Variants in FAM229B observed in about 807,000 individuals in gnomAD.
FAM229B encodes protein FAM229B.
FAM229B carries 2 observed loss-of-function variants against 6.7 expected under a neutral mutation model. The observed-to-expected ratio is 0.30, with a 90% CI of 0.12 to 0.94. The LOEUF is 0.94. Ranked by LOEUF, FAM229B falls within the 40% of genes least tolerant of loss-of-function variation. The pLI, the probability that FAM229B is intolerant of heterozygous loss-of-function variation, is 0.54. For missense variants in FAM229B, 93 were observed against 96.2 expected (o/e 0.97, Z 0.14); for synonymous variants, 29 against 34.0 (o/e 0.85, Z 0.51).
intron 1 of FAM229B, among the ~76,000 whole-genome samples, chr6:112,090,378 T>C (rs1410682907): frequency 2.0e-5 from 3 of 152,210 alleles, no homozygotes; most frequent in African/African-American, 7.2e-5. Context: ...TTTCCAAAGA[T>C]TTTTCCCAAT....
intron 2 of FAM229B, among the ~76,000 whole-genome samples, 170 bp downstream of exon 2, chr6:112,097,371 A>G (rs931717156): frequency 5.9e-5 from 9 of 152,192 alleles, no homozygotes; most frequent in Non-Finnish European, 1.0e-4. Context: ...AAATTTTTAA[A>G]CCTTAATTTA....
In FAM229B at chr6:112,099,287, C is replaced by T. The variant is rs1777364597; in HGVS notation, c.4C>T (p.Pro2Ser). 6.2e-7 allele frequency: 1 copy of T among 1,612,546 alleles called. No individual in the cohort carries two copies. Among genetic ancestry groups the T allele is most frequent in the African/African-American group, 1.3e-5 (1 of 74,936 alleles). MPFQFGTQPRRF... is the reference protein window; with the variant it reads MSFQFGTQPRRF... ...CGATCTAGGTTTTCAGTGAAGTATG[C>T]CTTTTCAATTTGGAACCCAGCCAAG... Residue 2 changes from proline (P) to serine (S), a missense_variant, in exon 3 of 4, where the codon CCT becomes TCT. Coordinates refer to ENST00000368656, the MANE Select transcript of FAM229B (RefSeq NM_001033564.3).
At chr6:112,092,850 T>C (rs1777275345) in intron 1 of FAM229B, among the ~76,000 whole-genome samples, 1 of 151,922 alleles carries the variant, frequency 6.6e-6, no homozygotes, top group Admixed American at 6.6e-5. Context: ...AAGTTAAATA[T>C]GTATACTATA....
chr6:112,088,201 G>T (rs1228698713), intron 1 of FAM229B, among the ~76,000 whole-genome samples: 4 of 152,292 alleles, frequency 2.6e-5, no homozygotes, highest in Non-Finnish European at 5.9e-5. Context: ...AGTGGTTGAG[G>T]ATGTAGATGA....
chr6:112,095,653 AAAAAAAAC>A (rs1554318573), intron 1 of FAM229B, among the ~76,000 whole-genome samples: 5 of 139,678 alleles, frequency 3.6e-5, no homozygotes, highest in African/African-American at 8.7e-5. Context: ...AAAAAAAAAA[AAAAAAAAC>A]CAAAAAAAAA....
In FAM229B at chr6:112,097,472, T is replaced by C. The variant is rs143826655; in HGVS notation, c.-15+271T>C. ...TAGTTGCACCATTTTAAATTTTTCCTACCCTTTGTGTACTAATAGTTGAAT... is the reference window on the plus strand; with the variant it reads ...TAGTTGCACCATTTTAAATTTTTCCCACCCTTTGTGTACTAATAGTTGAAT... On this transcript the variant is annotated intron_variant, in intron 2 of 3. Transcript: ENST00000368656. Among the ~76,000 whole-genome samples, 79 of 152,360 alleles carry C rather than the reference T, an allele frequency of 5.2e-4. 1 individual carries two copies. Among genetic ancestry groups the C allele is most frequent in the African/African-American group, 1.8e-3 (76 of 41,584 alleles).
At chr6:112,095,659 AACC>A (rs1777313907) in intron 1 of FAM229B, among the ~76,000 whole-genome samples, 1 of 139,334 alleles carries the variant, frequency 7.2e-6, no homozygotes, top group Non-Finnish European at 1.5e-5. Flanking sequence ...AAAAAAAAAA[AACC>A]AAAAAAAAAA....
At chr6:112,092,673 T>G (rs147287285) in intron 1 of FAM229B, among the ~76,000 whole-genome samples, 22 of 152,092 alleles carry the variant, frequency 1.4e-4, no homozygotes, top group African/African-American at 4.8e-4. Flanking sequence ...AGACAATTGC[T>G]TAAAGGAAAA....
Position 112,100,845 on chromosome 6 carries a change from C to G in FAM229B, c.*58C>G. 8.3e-7 allele frequency: 1 copy of G among 1,205,528 alleles called. No individual in the cohort carries two copies. Among genetic ancestry groups the G allele is most frequent in the Non-Finnish European group, 1.2e-6 (1 of 816,160 alleles). The allele number at this position is 1,205,528 out of a possible 1,614,324, so 74.7% of individuals were successfully genotyped here. ...GTCAAGGGTAATGGACCAGTATCAT[C>G]TGGTGATCTGGTAAACAAATAAAAG... On this transcript the variant is annotated 3_prime_UTR_variant, in exon 4 of 4. Transcript: ENST00000368656.
At chr6:112,093,503 C>T (rs1554318348) in intron 1 of FAM229B, among the ~76,000 whole-genome samples, 3 of 152,084 alleles carry the variant, frequency 2.0e-5, no homozygotes, top group Non-Finnish European at 2.9e-5. Flanking sequence ...AAGACTTGAA[C>T]AGTTCTATCA....
rs1379996089 is a variant in FAM229B at position 112,102,481 on chromosome 6, T to C, written c.*1694T>C. 2 of 141,726 alleles carry C rather than the reference T, an allele frequency of 1.4e-5. No homozygotes were observed. The highest frequency in any genetic ancestry group is 1.6e-5 in the Non-Finnish European group (1 of 63,270). 8.8% of individuals were successfully genotyped at this position (141,726 alleles called of 1,614,324 possible). A position where few individuals can be genotyped will look rare whatever the true frequency, so the allele number is the denominator to read the frequency against. On this transcript the variant is annotated 3_prime_UTR_variant, in exon 4 of 4. Transcript: ENST00000368656. ...GCCTAGGCAACAGAGTGAGACTTTG[T>C]CTCAAAAAAAAAGAAAAACAAAGAA...
intron 3 of FAM229B, 128 bp downstream of exon 3, chr6:112,099,536 G>C: frequency 2.1e-6 from 2 of 935,016 alleles, no homozygotes; most frequent in South Asian, 4.5e-5. Flanking sequence ...TTCTAAGTTA[G>C]CGTATTAACA....
At chr6:112,091,975 G>A (rs11153336) in intron 1 of FAM229B, among the ~76,000 whole-genome samples, 37,747 of 151,880 alleles carry the variant, frequency 0.25, 4,710 homozygotes, top group East Asian at 0.32. Context: ...TAGACATTAG[G>A]CAAAAGAAAA....
chr6:112,090,212 T>A (rs1405003658), intron 1 of FAM229B, among the ~76,000 whole-genome samples: 1 of 152,222 alleles, frequency 6.6e-6, no homozygotes, highest in African/African-American at 2.4e-5. Context: ...GGGTGGTCTG[T>A]TTTTATTCTT....
chr6:112,090,604 A>AT (rs1395507945), intron 1 of FAM229B, among the ~76,000 whole-genome samples: 11 of 149,798 alleles, frequency 7.3e-5, no homozygotes, highest in African/African-American at 1.7e-4. Context: ...TAAAACAACA[A>AT]TTTTTTTTTT....
At position 112,102,476 on chromosome 6, in the gene FAM229B, C is replaced by G. The variant is rs1777411464; in HGVS notation, c.*1689C>G. The G allele has an allele frequency of 6.8e-6, 1 of 147,224 alleles. No homozygotes were observed. Among genetic ancestry groups the G allele is most frequent in the Non-Finnish European group, 1.5e-5 (1 of 66,118 alleles). The allele number at this position is 147,224 out of a possible 1,614,324, so 9.1% of individuals were successfully genotyped here. On this transcript the variant is annotated 3_prime_UTR_variant, in exon 4 of 4. Coordinates refer to ENST00000368656, the MANE Select transcript of FAM229B (RefSeq NM_001033564.3). ...CTCCAGCCTAGGCAACAGAGTGAGA[C>G]TTTGTCTCAAAAAAAAAGAAAAACA...
At position 112,087,615 on chromosome 6, in the gene FAM229B, T is replaced by G; in HGVS notation, c.-281T>G. Reference sequence around the variant, plus strand: ...CGTCAGAAGGCCGCGCAAGTGCACTTGCGTGTCACCGTTACCGTAGCGACT... The same window carrying G: ...CGTCAGAAGGCCGCGCAAGTGCACTGGCGTGTCACCGTTACCGTAGCGACT... On this transcript the variant is annotated 5_prime_UTR_variant, in exon 1 of 4. Transcript: ENST00000368656. 3.1e-6 allele frequency: 2 copies of G among 642,380 alleles called. No homozygotes were observed. The highest frequency in any genetic ancestry group is 5.3e-6 in the Non-Finnish European group (2 of 376,464). 39.8% of individuals were successfully genotyped at this position (642,380 alleles called of 1,614,324 possible).
At chr6:112,092,177 A>G (rs1465404018) in intron 1 of FAM229B, among the ~76,000 whole-genome samples, 2 of 152,134 alleles carry the variant, frequency 1.3e-5, no homozygotes, top group African/African-American at 4.8e-5. Context: ...TTCAAATGTG[A>G]TAAGTATTAT....
chr6:112,088,380 G>A (rs1777208585), intron 1 of FAM229B, among the ~76,000 whole-genome samples: 1 of 152,136 alleles, frequency 6.6e-6, no homozygotes, highest in African/African-American at 2.4e-5. Context: ...AATTAGACCA[G>A]ATTTTAATTA....
Sources: allele counts gnomAD v4.1 joint callset (sites outside exome capture counted in the v4.1 genomes callset), GRCh38; gene constraint gnomAD v4.1.1; transcripts MANE v1.5; gene names NCBI Gene and HGNC (gene_info 2026-07-23, HGNC 2026-07-21).